PHF8: variants seen among roughly 807,000 people sequenced by gnomAD.
PHF8 encodes PHD finger protein 8.
Under a neutral mutation model 74.4 loss-of-function variants are expected in PHF8, and 9 were observed. That is an observed-to-expected ratio of 0.12 (90% CI 0.07 to 0.21). The LOEUF is 0.21. Among genes scored for constraint, PHF8 ranks in the 10% least tolerant of loss-of-function variants. The pLI, the probability that PHF8 is intolerant of heterozygous loss-of-function variation, is 1.00. For synonymous variants in PHF8, 311 were observed against 316.6 expected (o/e 0.98, Z 0.19); for missense variants, 478 against 816.6 (o/e 0.59, Z 5.05).
intron 4 of PHF8, among the ~76,000 whole-genome samples, chrX:54,021,798 T>C (rs1388493064): frequency 9.0e-6 from 1 of 111,120 alleles, no homozygotes; most frequent in Non-Finnish European, 1.9e-5. Context: ...AACCTGAACA[T>C]GGTCTACTGA....
intron 2 of PHF8, among the ~76,000 whole-genome samples, chrX:54,024,913 G>A (rs1603340316): frequency 1.8e-5 from 2 of 110,731 alleles, no homozygotes; most frequent in South Asian, 7.7e-4. Context: ...GTCTCGCTCT[G>A]TCACCCAGGC....
intron 20 of PHF8, among the ~76,000 whole-genome samples, chrX:53,941,626 A>AT (rs1378662580): frequency 1.1e-4 from 12 of 111,681 alleles, no homozygotes; most frequent in Non-Finnish European, 2.1e-4. Context: ...CAGTGATCAC[A>AT]TTTTTTTGCC....
In PHF8 at chrX:54,034,588, C is replaced by T. The variant is rs782365341; in HGVS notation, c.98+8043G>A. ...CTGTAATCCCAGCACTTTGGGAGGC[C>T]GAGACGTGTGGATCATTTGAGGTCA... On this transcript the variant is annotated intron_variant, in intron 2 of 21. Coordinates refer to ENST00000338154, the MANE Select transcript of PHF8 (RefSeq NM_015107.3). Among the ~76,000 whole-genome samples, 3 of 109,748 alleles carry T rather than the reference C, an allele frequency of 2.7e-5. No individual in the cohort carries two copies. The South Asian group carries it at 1.2e-3, about 43-fold the overall frequency.
At chrX:53,999,488 C>T (rs1603326429) in intron 11 of PHF8, 1 of 165,787 alleles carries the variant, frequency 6.0e-6, no homozygotes, top group Non-Finnish European at 1.1e-5. Flanking sequence ...AGGGTCTGCA[C>T]CCCAACCTCC....
At chrX:54,039,133 C>CAAA (rs61507959) in intron 2 of PHF8, among the ~76,000 whole-genome samples, 5 of 42,587 alleles carry the variant, frequency 1.2e-4, no homozygotes, top group Non-Finnish European at 4.7e-5. Flanking sequence ...GACTCTGTCT[C>CAAA]AAAAAAAAAA....
Position 53,967,507 on chromosome X carries a change from C to T in PHF8, c.2444-4568G>A, listed in dbSNP as rs781883306. On this transcript the variant is annotated intron_variant, in intron 18 of 21. Coordinates refer to ENST00000338154, the MANE Select transcript of PHF8 (RefSeq NM_015107.3). ...GAGGGAGGTGGGGGGGTCAGCCCTCCGCCCAGCCAGCCGCCCCGTCCGGGA... is the reference window on the plus strand; with the variant it reads ...GAGGGAGGTGGGGGGGTCAGCCCTCTGCCCAGCCAGCCGCCCCGTCCGGGA... Among the ~76,000 whole-genome samples, 49 of 105,549 alleles carry T rather than the reference C, an allele frequency of 4.6e-4. 3 individuals carry two copies. In the South Asian group the frequency reaches 0.021, roughly 46 times the overall value. The allele number at this position is 105,549 out of a possible 115,157, so 91.7% of individuals were successfully genotyped here.
At chrX:53,947,853 C>T (rs782400111) in intron 19 of PHF8, among the ~76,000 whole-genome samples, 1 of 112,244 alleles carries the variant, frequency 8.9e-6, no homozygotes, top group East Asian at 2.8e-4. Flanking sequence ...GGAAGCTAGT[C>T]ACATGGAGAG....
Position 54,044,280 on chromosome X carries a change from C to G in PHF8, c.-611G>C. The G allele has an allele frequency of 1.3e-6, 1 of 755,055 alleles. No homozygotes were observed. Among genetic ancestry groups the G allele is most frequent in the South Asian group, 6.7e-5 (1 of 14,919 alleles). 62.2% of individuals were successfully genotyped at this position (755,055 alleles called of 1,213,427 possible). A position where few individuals can be genotyped will look rare whatever the true frequency, so the allele number is the denominator to read the frequency against. ...GCCGCCACGTCCGAGGCACACGGCC[C>G]GAAAAGTCGCTGGGAGAAGCCCAGT... On this transcript the variant is annotated 5_prime_UTR_variant, in exon 1 of 22. Coordinates refer to ENST00000338154, the MANE Select transcript of PHF8 (RefSeq NM_015107.3).
intron 7 of PHF8, among the ~76,000 whole-genome samples, chrX:54,013,231 G>C (rs1316724358): frequency 8.9e-6 from 1 of 111,970 alleles, no homozygotes; most frequent in Non-Finnish European, 1.9e-5. Flanking sequence ...CATAGTCACT[G>C]ACAATACACT....
At chrX:54,016,455 C>T in intron 6 of PHF8, 140 bp downstream of exon 6, 1 of 512,772 alleles carries the variant, frequency 2.0e-6, no homozygotes, top group Non-Finnish European at 3.3e-6. Context: ...GATCGTGCCA[C>T]TGTACTCCAG....
intron 19 of PHF8, among the ~76,000 whole-genome samples, chrX:53,959,041 T>G (rs1163016575): frequency 9.0e-6 from 1 of 111,189 alleles, no homozygotes; most frequent in Non-Finnish European, 1.9e-5. Context: ...ATTAGGTATA[T>G]CCATGGAACT....
At position 54,043,979 on chromosome X, in the gene PHF8, C is replaced by G. The variant is rs983818642; in HGVS notation, c.-310G>C. 2.7e-6 allele frequency: 2 copies of G among 754,004 alleles called. No homozygotes were observed. The highest frequency in any genetic ancestry group is 3.1e-6 in the Non-Finnish European group (2 of 639,168). 62.1% of individuals were successfully genotyped at this position (754,004 alleles called of 1,213,427 possible). ...GCTCGTCCGGTAGTTCCGGCCCCTA[C>G]GGCGACGCGCGTCGAATTCTGGGAT... On this transcript the variant is annotated 5_prime_UTR_variant, in exon 1 of 22. Transcript: ENST00000338154.
chrX:54,042,956 G>C, intron 1 of PHF8, 136 bp from the exon 2 acceptor site: 1 of 553,188 alleles, frequency 1.8e-6, no homozygotes. Flanking sequence ...GGCAACCAGA[G>C]AAAGTCCACC....
chrX:54,037,190 T>A (rs1557114602), intron 2 of PHF8, among the ~76,000 whole-genome samples: 20 of 111,400 alleles, frequency 1.8e-4, no homozygotes. Flanking sequence ...AAAAGATCCA[T>A]AAAACTGACA....
chrX:53,992,637 C>T, intron 14 of PHF8, 99 bp downstream of exon 14: 3 of 535,092 alleles, frequency 5.6e-6, no homozygotes, highest in East Asian at 7.2e-5. Context: ...GTCCCTCCTA[C>T]CCATGTCCCA....
intron 12 of PHF8, among the ~76,000 whole-genome samples, 178 bp downstream of exon 12, chrX:53,995,515 C>A (rs1557102542): frequency 8.9e-6 from 1 of 112,050 alleles, no homozygotes; most frequent in Non-Finnish European, 1.9e-5. Flanking sequence ...AAGAGCCTAG[C>A]CCAATGTGCG....
chrX:54,046,012 G>A (rs1347420944), upstream of PHF8, among the ~76,000 whole-genome samples: 1 of 108,250 alleles, frequency 9.2e-6, no homozygotes, highest in African/African-American at 3.4e-5. Flanking sequence ...CAGGCTGGGC[G>A]GTCATAGCTC....
chrX:53,938,865 A>G lies in PHF8; in HGVS notation c.*293T>C, dbSNP rs2064706333. The G allele has an allele frequency of 7.9e-6, 7 of 887,723 alleles. No homozygotes were observed. The highest frequency in any genetic ancestry group is 9.7e-6 in the Non-Finnish European group (7 of 724,524). The allele number at this position is 887,723 out of a possible 1,213,427, so 73.2% of individuals were successfully genotyped here. On this transcript the variant is annotated 3_prime_UTR_variant, in exon 22 of 22. Coordinates refer to ENST00000338154, the MANE Select transcript of PHF8 (RefSeq NM_015107.3). ...GGGGATGAAGAATAAAGAACAGACA[A>G]GGCAGGTGACGGGAGTGGTTTGGAC...
intron 3 of PHF8, 122 bp from the exon 4 acceptor site, chrX:54,022,489 A>G: frequency 1.8e-6 from 1 of 560,156 alleles, no homozygotes; most frequent in Non-Finnish European, 3.2e-6. Context: ...TCTGGAGTCA[A>G]TGAGGCCCTC....
Sources: allele counts gnomAD v4.1 joint callset (sites outside exome capture counted in the v4.1 genomes callset), GRCh38; gene constraint gnomAD v4.1.1; transcripts MANE v1.5; gene names NCBI Gene and HGNC (gene_info 2026-07-23, HGNC 2026-07-21).